LRRFIP1: variants seen among roughly 807,000 people sequenced by gnomAD.
The protein encoded by LRRFIP1 is LRR binding FLII interacting protein 1.
In LRRFIP1, 62 loss-of-function variants were observed where a neutral mutation model predicts 104.4. That is an observed-to-expected ratio of 0.59 (90% CI 0.48 to 0.73). LRRFIP1 has a LOEUF of 0.73. Among genes scored for constraint, LRRFIP1 ranks in the 30% least tolerant of loss-of-function variants. The probability of loss-of-function intolerance (pLI) is 0.00; values close to 1 mark genes in which losing one functional copy is unlikely to be tolerated. For missense variants in LRRFIP1, 796 were observed against 824.5 expected (o/e 0.97, Z 0.42); for synonymous variants, 300 against 299.0 (o/e 1.00, Z -0.03).
intron 19 of LRRFIP1, chr2:237,763,013 C>G (rs1471369137): frequency 1.9e-6 from 3 of 1,614,198 alleles, no homozygotes; most frequent in Non-Finnish European, 1.7e-6. Flanking sequence ...GGTTGAAGAG[C>G]AGGCAGGCAC....
At position 237,680,392 on chromosome 2, in the gene LRRFIP1, C is replaced by T. The variant is rs12619555; in HGVS notation, c.97-28152C>T. ...TGCCTCTGTACTGAACATGTACAGA[C>T]GTTTTTCTTGTCATTATTCTCTAAA... On this transcript the variant is annotated intron_variant, in intron 1 of 23. Coordinates refer to ENST00000308482, the MANE Select transcript of LRRFIP1 (RefSeq NM_001137550.2). 4.0e-4 allele frequency among the ~76,000 whole-genome samples: 61 copies of T among 152,222 alleles called. No individual in the cohort carries two copies. In the East Asian group the frequency reaches 0.011, roughly 27 times the overall value.
chr2:237,774,317 G>C (rs1305337535), intron 22 of LRRFIP1, 41 bp from the exon 23 acceptor site: 1 of 1,191,720 alleles, frequency 8.4e-7, no homozygotes, highest in Non-Finnish European at 1.2e-6. Context: ...AAGAAAACAG[G>C]CTTATCAATT....
At chr2:237,738,316 G>A (rs535838621) in intron 10 of LRRFIP1, among the ~76,000 whole-genome samples, 10 of 152,108 alleles carry the variant, frequency 6.6e-5, no homozygotes, top group Admixed American at 3.9e-4. Flanking sequence ...CTTATAATTC[G>A]CAAGCAGGGC....
intron 1 of LRRFIP1, among the ~76,000 whole-genome samples, chr2:237,700,076 C>T (rs2149876755): frequency 6.6e-6 from 1 of 152,340 alleles, no homozygotes; most frequent in Middle Eastern, 3.4e-3. Flanking sequence ...CTTGTGCCGT[C>T]CGTTCTTGTC....
At position 237,732,809 on chromosome 2, in the gene LRRFIP1, G is replaced by A. The variant is rs1249228329; in HGVS notation, c.445-965G>A. Among the ~76,000 whole-genome samples, 3 of 152,066 alleles carry A rather than the reference G, an allele frequency of 2.0e-5. No homozygotes were observed. The East Asian group carries it at 5.8e-4, about 29-fold the overall frequency. On this transcript the variant is annotated intron_variant, in intron 8 of 23. Transcript: ENST00000308482. Reference sequence around the variant, plus strand: ...CCAGGAAGCAATTTGGAAGGTTTTTGTGCCTAATCTGCCTCCTTGGTCCCT... The same window carrying A: ...CCAGGAAGCAATTTGGAAGGTTTTTATGCCTAATCTGCCTCCTTGGTCCCT...
chr2:237,651,504 C>A (rs889771452), intron 1 of LRRFIP1, among the ~76,000 whole-genome samples: 1 of 152,178 alleles, frequency 6.6e-6, no homozygotes, highest in African/African-American at 2.4e-5. Flanking sequence ...GCCTCCTACA[C>A]CTCCTTCCAT....
Position 237,717,938 on chromosome 2 carries a change from T to C in LRRFIP1, c.249+129T>C, listed in dbSNP as rs1020263719. ...TAGATAGATTCCTATTGCACCATAA[T>C]TTAATACTGAGAGATTTTCTTCCGG... On this transcript the variant is annotated intron_variant, in intron 4 of 23. Transcript: ENST00000308482. This position sits in a 1 kb window ranked among gnomAD's most constrained non-coding sequence, Gnocchi z 4.2. 1 of 797,622 alleles carries C rather than the reference T, an allele frequency of 1.3e-6. No homozygotes were observed. Among genetic ancestry groups the C allele is most frequent in the Non-Finnish European group, 2.2e-6 (1 of 449,532 alleles). The allele number at this position is 797,622 out of a possible 1,614,324, so 49.4% of individuals were successfully genotyped here.
intron 11 of LRRFIP1, among the ~76,000 whole-genome samples, chr2:237,740,992 T>G (rs940902475): frequency 3.3e-5 from 5 of 152,244 alleles, no homozygotes; most frequent in African/African-American, 1.2e-4. Context: ...CTCTCCCCTC[T>G]GTATAAGTTG....
At chr2:237,745,762 T>G (rs1183450452) in intron 11 of LRRFIP1, among the ~76,000 whole-genome samples, 1 of 152,186 alleles carries the variant, frequency 6.6e-6, no homozygotes, top group East Asian at 1.9e-4. Context: ...CTCCACAGTA[T>G]TTATCCATTG....
chr2:237,689,729 G>A (rs1469922968), intron 1 of LRRFIP1, among the ~76,000 whole-genome samples: 1 of 152,130 alleles, frequency 6.6e-6, no homozygotes, highest in Non-Finnish European at 1.5e-5. Context: ...GGAGGAGGAG[G>A]CCTGGGCACC....
intron 4 of LRRFIP1, among the ~76,000 whole-genome samples, chr2:237,719,092 G>A (rs1017031100): frequency 5.3e-5 from 8 of 152,164 alleles, no homozygotes; most frequent in African/African-American, 1.9e-4. Flanking sequence ...AAAACCGTGT[G>A]TGTCTTAGAA....
At chr2:237,683,019 C>T (rs530920542) in intron 1 of LRRFIP1, among the ~76,000 whole-genome samples, 22 of 152,326 alleles carry the variant, frequency 1.4e-4, no homozygotes, top group Middle Eastern at 6.8e-3. Context: ...GGGTGGAGAG[C>T]GCTGCCAGCA....
At position 237,661,721 on chromosome 2, in the gene LRRFIP1, C is replaced by G. The variant is rs2088008800; in HGVS notation, c.96+33981C>G. Among the ~76,000 whole-genome samples, 1 of 152,212 alleles carries G rather than the reference C, an allele frequency of 6.6e-6. No homozygotes were observed. Among genetic ancestry groups the G allele is most frequent in the Non-Finnish European group, 1.5e-5 (1 of 68,040 alleles). On this transcript the variant is annotated intron_variant, in intron 1 of 23. Transcript: ENST00000308482. The surrounding 1 kb of genome is among the most constrained non-coding windows in gnomAD (Gnocchi z 4.4). The stretch of plus-strand genomic sequence containing the variant: ...CCCTGGTGCAACACGGGAGTGGGCA[C>G]ACATTCTCTGTGCTGTGCATGGGGA...
Position 237,708,601 on chromosome 2 carries a change from A to AT in LRRFIP1, c.155dup (p.Met52IlefsTer27). ...CCGCGCGGAGGCTCGCGAGATCCGC[A>AT]TGAAGGAGCTGGAGCGGCAGCAGAA... On this transcript the variant is annotated frameshift_variant, in exon 2 of 24. Transcript: ENST00000308482. LOFTEE classifies it high-confidence loss of function. 1 of 1,602,100 alleles carries AT rather than the reference A, an allele frequency of 6.2e-7. No homozygotes were observed. The highest frequency in any genetic ancestry group is 8.5e-7 in the Non-Finnish European group (1 of 1,172,640).
chr2:237,664,543 T>A (rs113209995), intron 1 of LRRFIP1, among the ~76,000 whole-genome samples: 2 of 152,370 alleles, frequency 1.3e-5, no homozygotes, highest in African/African-American at 4.8e-5. Flanking sequence ...GGAGTGCTGC[T>A]CCAAGACTGA....
At chr2:237,673,257 T>C (rs1052048013) in intron 1 of LRRFIP1, among the ~76,000 whole-genome samples, 1 of 152,244 alleles carries the variant, frequency 6.6e-6, no homozygotes, top group Admixed American at 6.5e-5. Flanking sequence ...TCTGTGTCCC[T>C]GGTCTGTAGG....
At chr2:237,675,726 A>G (rs936395231) in intron 1 of LRRFIP1, among the ~76,000 whole-genome samples, 4 of 152,280 alleles carry the variant, frequency 2.6e-5, no homozygotes, top group African/African-American at 9.6e-5. Context: ...AAGTAAAGAA[A>G]AAAATATCTC....
At chr2:237,677,729 C>T (rs926597053) in intron 1 of LRRFIP1, among the ~76,000 whole-genome samples, 2 of 152,152 alleles carry the variant, frequency 1.3e-5, no homozygotes, top group Non-Finnish European at 2.9e-5. Flanking sequence ...TATCGAGCCA[C>T]CATGAAACCT....
chr2:237,736,792 A>C (rs1198258371), intron 10 of LRRFIP1, among the ~76,000 whole-genome samples: 1 of 152,208 alleles, frequency 6.6e-6, no homozygotes, highest in African/African-American at 2.4e-5. Context: ...GTGAGCAGGA[A>C]ATTAGCACCA....
Sources: gnomAD v4.1 joint callset for allele counts (sites outside exome capture counted in the v4.1 genomes callset) on GRCh38, gnomAD v4.1.1 for gene constraint, Gnocchi (gnomAD v3.1) non-coding constraint, MANE v1.5 for transcripts, NCBI Gene and HGNC (gene_info 2026-07-23, HGNC 2026-07-21) for gene names.